CACNA2D3: variants seen among roughly 807,000 people sequenced by gnomAD.
CACNA2D3 encodes the protein voltage-dependent calcium channel subunit alpha-2/delta-3.
A neutral mutation model predicts 160.6 loss-of-function variants in CACNA2D3; 60 were observed. The observed-to-expected ratio is 0.37, with a 90% CI of 0.30 to 0.46. CACNA2D3 has a LOEUF of 0.46. CACNA2D3 is among the 20% of genes least tolerant of loss of function. CACNA2D3 has a pLI of 1.00. For missense variants in CACNA2D3, 1,205 were observed against 1,365.0 expected (o/e 0.88, Z 1.85); for synonymous variants, 558 against 492.9 (o/e 1.13, Z -1.75).
At chr3:54,457,626 T>A (rs1053839236) in intron 4 of CACNA2D3, among the ~76,000 whole-genome samples, 3 of 152,074 alleles carry the variant, frequency 2.0e-5, no homozygotes, top group Admixed American at 2.0e-4. Flanking sequence ...TCTGTATAGA[T>A]GATCTGTCCA....
chr3:54,283,747 A>G (rs1052671009), intron 2 of CACNA2D3, among the ~76,000 whole-genome samples: 1 of 152,188 alleles, frequency 6.6e-6, no homozygotes, highest in Non-Finnish European at 1.5e-5. Context: ...TTCTGACACC[A>G]GAGGTGTTTC....
chr3:54,430,315 G>A (rs930152945), intron 4 of CACNA2D3, among the ~76,000 whole-genome samples: 1 of 152,124 alleles, frequency 6.6e-6, no homozygotes, highest in Non-Finnish European at 1.5e-5. Flanking sequence ...TTACTGATAT[G>A]TTCCCTCCCC....
At chr3:55,038,569 T>C (rs1703882362) in intron 35 of CACNA2D3, among the ~76,000 whole-genome samples, 1 of 152,126 alleles carries the variant, frequency 6.6e-6, no homozygotes, top group South Asian at 2.1e-4. Context: ...CTCACAGGTA[T>C]ATAACACTGT....
At chr3:54,494,663 T>C (rs2106927972) in intron 4 of CACNA2D3, among the ~76,000 whole-genome samples, 1 of 152,206 alleles carries the variant, frequency 6.6e-6, no homozygotes, top group East Asian at 2.0e-4. Flanking sequence ...AACAGGGTGC[T>C]GTATTAGTCT....
chr3:54,667,957 A>C (rs1431874827), intron 11 of CACNA2D3, among the ~76,000 whole-genome samples: 1 of 152,110 alleles, frequency 6.6e-6, no homozygotes, highest in Non-Finnish European at 1.5e-5. Flanking sequence ...CAAAAAAAAA[A>C]AAAAGTCAAA....
In CACNA2D3 at chr3:55,073,464, A is replaced by G; in HGVS notation, c.3007A>G (p.Ile1003Val). ...CAACAGGTCCTTTGTCATCCAGCAA[A>G]TCCCAAGCAGCAACCTGTTCATGGT... ...DCSKSFVIQQ[I>V]PSSNLFMVVV... is the part of the protein sequence containing the mutation. The change falls in exon 36 of 38, where the codon ATC becomes GTC. Residue 1003 changes from isoleucine to valine, a missense_variant. Ile to Val is a conservative substitution (Grantham distance 29). Coordinates refer to ENST00000474759, the MANE Select transcript of CACNA2D3 (RefSeq NM_018398.3). The G allele has an allele frequency of 1.9e-6, 3 of 1,613,802 alleles. No homozygotes were observed. In the South Asian group the frequency reaches 3.3e-5, roughly 18 times the overall value.
intron 27 of CACNA2D3, among the ~76,000 whole-genome samples, chr3:54,944,576 C>G (rs1201086291): frequency 6.6e-6 from 1 of 151,964 alleles, no homozygotes; most frequent in Non-Finnish European, 1.5e-5. Context: ...GCCCACCACC[C>G]TGCCTGGCTA....
chr3:54,324,165 C>T (rs1418321456), intron 3 of CACNA2D3, among the ~76,000 whole-genome samples: 1 of 152,170 alleles, frequency 6.6e-6, no homozygotes, highest in Non-Finnish European at 1.5e-5. Flanking sequence ...CTGTCATCTC[C>T]TGCCTGTTAA....
At chr3:54,759,843 G>T (rs1702047562) in intron 12 of CACNA2D3, among the ~76,000 whole-genome samples, 1 of 152,204 alleles carries the variant, frequency 6.6e-6, no homozygotes, top group Non-Finnish European at 1.5e-5. Context: ...AGTGTCTTCA[G>T]TGGTTCAGAG....
intron 4 of CACNA2D3, among the ~76,000 whole-genome samples, chr3:54,480,820 G>T (rs780428898): frequency 3.3e-5 from 5 of 152,176 alleles, no homozygotes; most frequent in Non-Finnish European, 5.9e-5. Flanking sequence ...AAAGCTGGGA[G>T]GGAACTCTTA....
chr3:54,681,148 AAGAG>A (rs1384104810), intron 11 of CACNA2D3, among the ~76,000 whole-genome samples: 1 of 151,822 alleles, frequency 6.6e-6, no homozygotes, highest in Non-Finnish European at 1.5e-5. Context: ...ACAGAGAGAG[AAGAG>A]AGAGAAAGTA....
chr3:54,756,261 G>T (rs1701968829), intron 12 of CACNA2D3, among the ~76,000 whole-genome samples: 1 of 151,908 alleles, frequency 6.6e-6, no homozygotes, highest in African/African-American at 2.4e-5. Flanking sequence ...TCCTCATTCT[G>T]CTTCTATGTA....
intron 13 of CACNA2D3, among the ~76,000 whole-genome samples, chr3:54,813,863 C>CTTTTT (rs10699574): frequency 4.9e-5 from 6 of 121,570 alleles, no homozygotes; most frequent in African/African-American, 1.6e-4. Flanking sequence ...TTATAATATT[C>CTTTTT]TTTTTTTTTT....
At position 54,166,866 on chromosome 3, in the gene CACNA2D3, C is replaced by T. The variant is rs191852215; in HGVS notation, c.204+43272C>T. ...AAAAATTATGATGTATTTTTATTTA[C>T]ATTGGACTGATGATAGATTTCAGGT... On this transcript the variant is annotated intron_variant, in intron 2 of 37. Transcript: ENST00000474759. 9.2e-5 allele frequency among the ~76,000 whole-genome samples: 14 copies of T among 152,288 alleles called. No homozygotes were observed. In the East Asian group the frequency reaches 2.7e-3, roughly 29 times the overall value.
intron 35 of CACNA2D3, among the ~76,000 whole-genome samples, chr3:55,040,942 G>C (rs1400603563): frequency 6.6e-6 from 1 of 151,886 alleles, no homozygotes; most frequent in Non-Finnish European, 1.5e-5. Flanking sequence ...AGTTGGTTTA[G>C]CTTTTTATTT....
chr3:54,645,819 A>T (rs527245237), intron 11 of CACNA2D3, among the ~76,000 whole-genome samples: 30 of 152,198 alleles, frequency 2.0e-4, no homozygotes, highest in Non-Finnish European at 4.3e-4. Context: ...CCTGTCTTTC[A>T]TCTTCATTCT....
chr3:54,429,115 T>C (rs1283938302), intron 4 of CACNA2D3, among the ~76,000 whole-genome samples: 1 of 152,198 alleles, frequency 6.6e-6, no homozygotes, highest in Non-Finnish European at 1.5e-5. Context: ...AAATTCTCAG[T>C]TGGGCAACAA....
intron 35 of CACNA2D3, among the ~76,000 whole-genome samples, chr3:55,034,620 C>G (rs1186827367): frequency 1.3e-5 from 2 of 151,892 alleles, no homozygotes; most frequent in South Asian, 4.2e-4. Context: ...GTACTTGCTT[C>G]CATTCATGCT....
chr3:54,957,708 T>A (rs888889119), intron 27 of CACNA2D3, among the ~76,000 whole-genome samples: 1 of 151,986 alleles, frequency 6.6e-6, no homozygotes, highest in Non-Finnish European at 1.5e-5. Flanking sequence ...TCAGGAGGGT[T>A]AGAAACAAGA....
Sources: gnomAD v4.1 joint callset for allele counts (sites outside exome capture counted in the v4.1 genomes callset) on GRCh38, gnomAD v4.1.1 for gene constraint, MANE v1.5 for transcripts, NCBI Gene and HGNC (gene_info 2026-07-23, HGNC 2026-07-21) for gene names.